Variants in ZBTB44 observed in about 807,000 individuals in gnomAD.
ZBTB44 encodes zinc finger and BTB domain-containing protein 44.
In ZBTB44, 15 loss-of-function variants were observed where a neutral mutation model predicts 54.0. The ratio of observed to expected loss-of-function variants is 0.28; its 90% CI spans 0.19 to 0.43. ZBTB44 has a LOEUF of 0.43. ZBTB44 is among the 20% of genes least tolerant of loss of function. ZBTB44 has a pLI of 1.00. For synonymous variants in ZBTB44, 230 were observed against 250.1 expected (o/e 0.92, Z 0.76); for missense variants, 487 against 707.1 (o/e 0.69, Z 3.53).
intron 1 of ZBTB44, among the ~76,000 whole-genome samples, chr11:130,264,542 A>G (rs1006826000): frequency 6.6e-6 from 1 of 152,206 alleles, no homozygotes; most frequent in Non-Finnish European, 1.5e-5. Flanking sequence ...CTAACTCCAC[A>G]GAAGAAATAA....
In ZBTB44 at chr11:130,238,615, A is replaced by C; in HGVS notation, c.1104-8T>G. 6.2e-7 allele frequency: 1 copy of C among 1,607,894 alleles called. No individual in the cohort carries two copies. The highest frequency in any genetic ancestry group is 8.5e-7 in the Non-Finnish European group (1 of 1,177,456). ...TACTGAACATTTTCCAATCTAAAAA[A>C]AACAGACCAAAGAAGGCAACCAGGC... On this transcript the variant is annotated splice_polypyrimidine_tract_variant and splice_region_variant and intron_variant, in intron 3 of 7. Coordinates refer to ENST00000357899, the MANE Select transcript of ZBTB44 (RefSeq NM_001301098.2).
intron 5 of ZBTB44, among the ~76,000 whole-genome samples, chr11:130,235,308 C>T (rs1359956727): frequency 6.6e-6 from 1 of 152,024 alleles, no homozygotes; most frequent in Non-Finnish European, 1.5e-5. Flanking sequence ...TGTACAGGGA[C>T]GATAAAGATA....
At chr11:130,235,386 C>G (rs1182867332) in intron 5 of ZBTB44, among the ~76,000 whole-genome samples, 1 of 152,070 alleles carries the variant, frequency 6.6e-6, no homozygotes, top group African/African-American at 2.4e-5. Flanking sequence ...TATGTATAAC[C>G]TAAGGTTTAG....
intron 2 of ZBTB44, among the ~76,000 whole-genome samples, chr11:130,251,390 C>T (rs1937987867): frequency 6.6e-6 from 1 of 152,104 alleles, no homozygotes; most frequent in African/African-American, 2.4e-5. Context: ...TTATCCAGGA[C>T]AACTTCCCCA....
intron 1 of ZBTB44, among the ~76,000 whole-genome samples, chr11:130,270,854 T>G (rs1350832820): frequency 1.3e-5 from 2 of 152,338 alleles, no homozygotes; most frequent in African/African-American, 4.8e-5. Flanking sequence ...TTAAAATACC[T>G]GAGAAGAATA....
intron 1 of ZBTB44, among the ~76,000 whole-genome samples, chr11:130,268,900 AGAGAG>A (rs1565665212): frequency 7.7e-4 from 117 of 151,620 alleles, no homozygotes; most frequent in African/African-American, 2.8e-3. Context: ...AGAGAGAGAG[AGAGAG>A]AAAAAAAGAA....
chr11:130,288,866 C>T (rs1941132821), intron 1 of ZBTB44, among the ~76,000 whole-genome samples: 2 of 150,336 alleles, frequency 1.3e-5, no homozygotes, highest in South Asian at 4.2e-4. Context: ...CACTGCACTC[C>T]AGCGTGGGTG....
At chr11:130,244,667 GAAAAAAAAAA>G (rs11360161) in intron 2 of ZBTB44, among the ~76,000 whole-genome samples, 78 of 104,794 alleles carry the variant, frequency 7.4e-4, no homozygotes, top group Non-Finnish European at 1.3e-3. Context: ...ACTCTGTCTG[GAAAAAAAAAA>G]AAAAAAAAAG....
At chr11:130,303,383 C>G (rs1261266353) in intron 1 of ZBTB44, among the ~76,000 whole-genome samples, 2 of 152,206 alleles carry the variant, frequency 1.3e-5, no homozygotes, top group African/African-American at 4.8e-5. Flanking sequence ...CACGTTTAAT[C>G]CCGGCACTTT....
chr11:130,294,874 A>G (rs890906543), intron 1 of ZBTB44, among the ~76,000 whole-genome samples: 2 of 152,240 alleles, frequency 1.3e-5, no homozygotes, highest in Admixed American at 1.3e-4. Flanking sequence ...TGAGCAAGTA[A>G]AATTCAAGTC....
intron 1 of ZBTB44, among the ~76,000 whole-genome samples, chr11:130,290,048 T>G (rs181378466): frequency 1.0e-3 from 157 of 152,308 alleles, no homozygotes; most frequent in African/African-American, 3.7e-3. Flanking sequence ...GCAGATGTGA[T>G]GAAATATCTT....
intron 1 of ZBTB44, among the ~76,000 whole-genome samples, chr11:130,276,739 A>G (rs888373864): frequency 6.6e-6 from 1 of 152,076 alleles, no homozygotes; most frequent in Non-Finnish European, 1.5e-5. Context: ...TGTTCTATAC[A>G]TTATTAAAAG....
At chr11:130,300,971 C>T (rs1941956007) in intron 1 of ZBTB44, among the ~76,000 whole-genome samples, 2 of 151,376 alleles carry the variant, frequency 1.3e-5, no homozygotes, top group South Asian at 4.2e-4. Flanking sequence ...TGTTTTTTTC[C>T]CTTGTTACTC....
At chr11:130,241,257 C>T (rs1954350980) in intron 2 of ZBTB44, among the ~76,000 whole-genome samples, 1 of 152,198 alleles carries the variant, frequency 6.6e-6, no homozygotes, top group Admixed American at 6.5e-5. Context: ...TCACTGAACA[C>T]ATTTATCTTC....
intron 5 of ZBTB44, 50 bp downstream of exon 5, chr11:130,236,741 AAG>A (rs1241941675): frequency 3.0e-6 from 4 of 1,332,118 alleles, no homozygotes; most frequent in African/African-American, 1.5e-5. Flanking sequence ...AAAGCAGGAA[AAG>A]AGAGTTTAGA....
rs546007613 is a variant in ZBTB44 at position 130,248,538 on chromosome 11, G to A, written c.1019-8642C>T. ...CACCTGTAATCCCAGCTACTTGGGA[G>A]GCTGAGGCAGGACAATTACTTGAAC... On this transcript the variant is annotated intron_variant, in intron 2 of 7. Transcript: ENST00000357899. 1.3e-3 allele frequency among the ~76,000 whole-genome samples: 200 copies of A among 152,212 alleles called. 2 individuals carry two copies. Among genetic ancestry groups the A allele is most frequent in the Non-Finnish European group, 6.2e-4 (42 of 68,012 alleles).
chr11:130,245,829 G>C (rs1954618804), intron 2 of ZBTB44, among the ~76,000 whole-genome samples: 1 of 152,172 alleles, frequency 6.6e-6, no homozygotes, highest in South Asian at 2.1e-4. Flanking sequence ...AAACCACACT[G>C]TCTGGGACCG....
intron 3 of ZBTB44, 33 bp downstream of exon 3, chr11:130,239,779 T>C (rs1954273560): frequency 2.6e-6 from 4 of 1,566,800 alleles, no homozygotes; most frequent in Non-Finnish European, 3.5e-6. Flanking sequence ...ACACAACCCT[T>C]AAGAGGTAAC....
intron 1 of ZBTB44, among the ~76,000 whole-genome samples, chr11:130,283,202 C>T (rs570673297): frequency 2.0e-5 from 3 of 151,810 alleles, no homozygotes; most frequent in Admixed American, 2.0e-4. Context: ...ACGGGACTCA[C>T]CTGGCTAATT....
Sources: gnomAD v4.1 joint callset for allele counts (sites outside exome capture counted in the v4.1 genomes callset) on GRCh38, gnomAD v4.1.1 for gene constraint, MANE v1.5 for transcripts, NCBI Gene and HGNC (gene_info 2026-07-23, HGNC 2026-07-21) for gene names.